Variants in DNAH8 observed in about 807,000 individuals in gnomAD.
The protein encoded by DNAH8 is axonemal beta dynein heavy chain 8.
In DNAH8, 382 loss-of-function variants were observed where a neutral mutation model predicts 562.1. That is an observed-to-expected ratio of 0.68 (90% CI 0.63 to 0.74). The LOEUF is 0.74. DNAH8 is among the 30% of genes least tolerant of loss of function. DNAH8 has a pLI of 0.00. For missense variants in DNAH8, 5,203 were observed against 5,620.4 expected, an observed-to-expected ratio of 0.93 and a Z score of 2.37; for synonymous variants, 1,881 against 1,919.4, an observed-to-expected ratio of 0.98 and a Z score of 0.52.
chr6:38,862,088 G>C (rs754542198), intron 43 of DNAH8, among the ~76,000 whole-genome samples, 192 bp from the exon 44 acceptor site: 2 of 151,972 alleles, frequency 1.3e-5, no homozygotes, highest in Non-Finnish European at 2.9e-5. Context: ...TTAGTCTCAA[G>C]AAATCTTTGG....
Position 38,896,336 on chromosome 6 carries a change from G to A in DNAH8, c.8940+111G>A, listed in dbSNP as rs992591831. 2.9e-5 allele frequency: 24 copies of A among 841,090 alleles called. No homozygotes were observed. In the African/African-American group the frequency reaches 3.8e-4, roughly 13 times the overall value. 52.1% of individuals were successfully genotyped at this position (841,090 alleles called of 1,614,324 possible). On this transcript the variant is annotated intron_variant, in intron 60 of 92. Coordinates refer to ENST00000327475, the MANE Select transcript of DNAH8 (RefSeq NM_001206927.2). ...TTGCTATAATTCCAGCACTTTGGGA[G>A]GCTGAGGTGGGAGGATTGCTTGAGC...
chr6:38,937,232 C>T (rs1279162291), intron 77 of DNAH8, among the ~76,000 whole-genome samples: 6 of 151,684 alleles, frequency 4.0e-5, no homozygotes, highest in Non-Finnish European at 7.4e-5. Flanking sequence ...GGAGGGATAG[C>T]GTTAGGAGAA....
intron 41 of DNAH8, among the ~76,000 whole-genome samples, chr6:38,853,852 G>A (rs1391144808): frequency 6.6e-6 from 1 of 152,064 alleles, no homozygotes; most frequent in East Asian, 1.9e-4. Context: ...ATAAAGTGTT[G>A]ATTGTCTCAT....
At position 38,848,730 on chromosome 6, in the gene DNAH8, G is replaced by A. The variant is rs756038605; in HGVS notation, c.5128G>A (p.Val1710Ile). Residue 1710 changes from valine to isoleucine, a missense_variant, in exon 37 of 93, where the codon GTA (valine) becomes ATA (isoleucine). Val to Ile is a conservative substitution (Grantham distance 29). Around this residue, in one of 6 missense-constraint regions of DNAH8, gnomAD observed 2,176 missense variants for 2,365.1 expected, o/e 0.92. Coordinates refer to ENST00000327475, the MANE Select transcript of DNAH8 (RefSeq NM_001206927.2). ...TSSDIIEEWL[V>I]VQNLWVYLEA... is the part of the protein sequence containing the mutation. ...CTCAGATATAATTGAAGAGTGGCTC[G>A]TAGTACAGAACCTTTGGGTTTATCT... The A allele has an allele frequency of 8.3e-5, 133 of 1,609,680 alleles. No individual in the cohort carries two copies. The highest frequency in any genetic ancestry group is 1.0e-4 in the Non-Finnish European group (123 of 1,178,504).
intron 60 of DNAH8, among the ~76,000 whole-genome samples, 185 bp downstream of exon 60, chr6:38,896,410 T>C (rs1583297865): frequency 6.6e-6 from 1 of 151,744 alleles, no homozygotes; most frequent in East Asian, 1.9e-4. Flanking sequence ...CCTGTCTCTA[T>C]AAAAAATAAG....
intron 29 of DNAH8, among the ~76,000 whole-genome samples, chr6:38,827,691 A>G (rs944030903): frequency 1.4e-5 from 2 of 139,992 alleles, no homozygotes; most frequent in African/African-American, 5.4e-5. Flanking sequence ...AAATTATTAT[A>G]TCAAATTTTC....
chr6:38,825,720 T>C (rs1017765764), intron 28 of DNAH8, among the ~76,000 whole-genome samples: 2 of 152,058 alleles, frequency 1.3e-5, no homozygotes, highest in South Asian at 2.1e-4. Context: ...ACTCTGACCA[T>C]GTGGATGATG....
rs566278701 is a variant in DNAH8 at position 39,016,191 on chromosome 6, C to A, written c.13714+3554C>A. Among the ~76,000 whole-genome samples the A allele has an allele frequency of 3.0e-4, 45 of 152,260 alleles. 1 individual carries two copies. The highest frequency in any genetic ancestry group is 2.9e-3 in the Admixed American group (45 of 15,300). ...CTCCTGGGTTTTATGTCCTCTAATT[C>A]AGTCCTCTTCAATGAAGTAATTTCT... is the stretch of plus-strand genomic sequence containing the variant. On this transcript the variant is annotated intron_variant, in intron 91 of 92. Coordinates refer to ENST00000327475, the MANE Select transcript of DNAH8 (RefSeq NM_001206927.2).
Position 38,860,639 on chromosome 6 carries a change from C to T in DNAH8, c.6131+10C>T. On this transcript the variant is annotated intron_variant, in intron 43 of 92. Coordinates refer to ENST00000327475, the MANE Select transcript of DNAH8 (RefSeq NM_001206927.2). ...CTCCATTAACAGATAGGTAGGAAAC[C>T]CAGTTTTCGTTTTTTATTTTGTAAT... 2.7e-6 allele frequency: 4 copies of T among 1,477,436 alleles called. No individual in the cohort carries two copies. Among genetic ancestry groups the T allele is most frequent in the Non-Finnish European group, 2.7e-6 (3 of 1,123,090 alleles). The allele number at this position is 1,477,436 out of a possible 1,614,324, so 91.5% of individuals were successfully genotyped here. A position where few individuals can be genotyped will look rare whatever the true frequency, so the allele number is the denominator to read the frequency against.
chr6:39,018,373 G>C (rs1360522146), intron 91 of DNAH8, among the ~76,000 whole-genome samples: 1 of 152,136 alleles, frequency 6.6e-6, no homozygotes, highest in Non-Finnish European at 1.5e-5. Context: ...CTTGACTAGA[G>C]CTAGAATGCT....
intron 53 of DNAH8, among the ~76,000 whole-genome samples, chr6:38,879,216 T>C (rs1561806218): frequency 6.6e-6 from 1 of 151,996 alleles, no homozygotes. Context: ...AAATGTACAA[T>C]AGGAAGAAAC....
At chr6:38,838,568 T>G (rs1276400473) in intron 33 of DNAH8, among the ~76,000 whole-genome samples, 6 of 152,078 alleles carry the variant, frequency 3.9e-5, no homozygotes, top group Non-Finnish European at 7.4e-5. Context: ...CCGGCTAATT[T>G]TTTTGTGTTT....
At chr6:38,756,918 C>T (rs1582918369) in intron 10 of DNAH8, among the ~76,000 whole-genome samples, 1 of 151,454 alleles carries the variant, frequency 6.6e-6, no homozygotes, top group African/African-American at 2.5e-5. Flanking sequence ...TCCCGTCTAT[C>T]ATTGTTGGAC....
At chr6:38,743,007 C>G (rs1455229484) in intron 8 of DNAH8, among the ~76,000 whole-genome samples, 14,561 of 51,758 alleles carry the variant, frequency 0.28, 1,595 homozygotes, top group Non-Finnish European at 0.34. Flanking sequence ...TGTTGTTGTG[C>G]TTTTTTTTTT....
chr6:38,969,710 G>A (rs1301898911), intron 82 of DNAH8, among the ~76,000 whole-genome samples: 3 of 145,868 alleles, frequency 2.1e-5, no homozygotes, highest in South Asian at 2.4e-4. Flanking sequence ...GGTGTGTGTG[G>A]GGGGGAGTGG....
Position 38,999,400 on chromosome 6 carries a change from G to GTT in DNAH8, c.13214+9240_13214+9241dup, listed in dbSNP as rs71809928. Among the ~76,000 whole-genome samples, 374 of 141,184 alleles carry GTT rather than the reference G, an allele frequency of 2.6e-3. 2 individuals carry two copies. The highest frequency in any genetic ancestry group is 7.1e-3 in the African/African-American group (274 of 38,490). The allele number at this position is 141,184 out of a possible 152,430, so 92.6% of individuals were successfully genotyped here. Reference sequence around the variant, plus strand: ...ACCTGAGAATTTGGATATGGGGGCTGTTTTTTTTTTTTTGTAGCTAGAACA... The same window carrying GTT: ...ACCTGAGAATTTGGATATGGGGGCTGTTTTTTTTTTTTTTTGTAGCTAGAACA... On this transcript the variant is annotated intron_variant, in intron 88 of 92. Transcript: ENST00000327475.
chr6:38,938,565 G>A (rs553730115), intron 78 of DNAH8, among the ~76,000 whole-genome samples: 105 of 152,214 alleles, frequency 6.9e-4, no homozygotes, highest in Middle Eastern at 6.8e-3. Context: ...ACATAGAGGA[G>A]AACAACAGAC....
chr6:38,917,418 C>A lies in DNAH8; in HGVS notation c.10308+12C>A, dbSNP rs1781389247. On this transcript the variant is annotated intron_variant, in intron 69 of 92. Coordinates refer to ENST00000327475, the MANE Select transcript of DNAH8 (RefSeq NM_001206927.2). ...GAGAGTCATTAAAGGTAAGTAAAATCTATCATTGTCAATCCTATGAGCTGC... is the reference window on the plus strand; with the variant it reads ...GAGAGTCATTAAAGGTAAGTAAAATATATCATTGTCAATCCTATGAGCTGC... 6.2e-7 allele frequency: 1 copy of A among 1,609,906 alleles called. No homozygotes were observed.
At chr6:38,767,803 G>C (rs1361310918) in intron 11 of DNAH8, among the ~76,000 whole-genome samples, 1 of 152,132 alleles carries the variant, frequency 6.6e-6, no homozygotes, top group African/African-American at 2.4e-5. Flanking sequence ...CAATTCTGCT[G>C]GGTGTATTCC....
Sources: allele counts gnomAD v4.1 joint callset (sites outside exome capture counted in the v4.1 genomes callset), GRCh38; gene constraint gnomAD v4.1.1; regional missense constraint gnomAD v4.1.1; transcripts MANE v1.5; gene names NCBI Gene and HGNC (gene_info 2026-07-23, HGNC 2026-07-21).